The following ZBTB16 variants were observed in gnomAD, a reference collection of about 807,000 sequenced individuals.
ZBTB16 encodes zinc finger and BTB domain-containing protein 16.
A neutral mutation model predicts 56.8 loss-of-function variants in ZBTB16; 8 were observed. The observed-to-expected ratio is 0.14, with a 90% CI of 0.08 to 0.25. ZBTB16 has a LOEUF of 0.25. Ranked by LOEUF, ZBTB16 falls within the 10% of genes least tolerant of loss-of-function variation. ZBTB16 has a pLI of 1.00. For synonymous variants in ZBTB16, 363 were observed against 368.5 expected (o/e 0.98, Z 0.17); for missense variants, 625 against 903.0 (o/e 0.69, Z 3.95).
chr11:114,144,029 C>T (rs936570474), intron 2 of ZBTB16, among the ~76,000 whole-genome samples: 2 of 152,142 alleles, frequency 1.3e-5, no homozygotes, highest in African/African-American at 4.8e-5. Flanking sequence ...AAATGAGGCC[C>T]AGCAGGGAAG....
At chr11:114,081,919 T>G (rs1415328023) in intron 2 of ZBTB16, among the ~76,000 whole-genome samples, 1 of 151,778 alleles carries the variant, frequency 6.6e-6, no homozygotes, top group African/African-American at 2.4e-5. Context: ...AAAATGAGTT[T>G]GAAGTTGAGC....
At chr11:114,229,310 C>T (rs1000842265) in intron 4 of ZBTB16, among the ~76,000 whole-genome samples, 1 of 152,190 alleles carries the variant, frequency 6.6e-6, no homozygotes, top group Non-Finnish European at 1.5e-5. Context: ...TTACTCCAAG[C>T]CACGCTGGCT....
intron 3 of ZBTB16, among the ~76,000 whole-genome samples, chr11:114,173,461 G>A (rs2135018477): frequency 6.6e-6 from 1 of 152,218 alleles, no homozygotes; most frequent in Middle Eastern, 3.4e-3. Context: ...CACCAAGAGT[G>A]GAATCACAGT....
chr11:114,197,232 A>C (rs1403088393), intron 4 of ZBTB16, among the ~76,000 whole-genome samples: 1 of 152,150 alleles, frequency 6.6e-6, no homozygotes, highest in Admixed American at 6.5e-5. Context: ...AAATGTTGAG[A>C]TGCTGGTTCT....
At chr11:114,194,587 AAC>A (rs1265672466) in intron 4 of ZBTB16, among the ~76,000 whole-genome samples, 1 of 152,220 alleles carries the variant, frequency 6.6e-6, no homozygotes, top group Non-Finnish European at 1.5e-5. Context: ...CATATTGCAA[AAC>A]ACTGCTGCTT....
chr11:114,195,635 T>G (rs955858696), intron 4 of ZBTB16, among the ~76,000 whole-genome samples: 1 of 152,294 alleles, frequency 6.6e-6, no homozygotes, highest in African/African-American at 2.4e-5. Flanking sequence ...TGGTGCACAG[T>G]GACCCAGAAC....
chr11:114,083,923 C>T (rs1354592475), intron 2 of ZBTB16, among the ~76,000 whole-genome samples: 2 of 152,160 alleles, frequency 1.3e-5, no homozygotes, highest in Non-Finnish European at 2.9e-5. Flanking sequence ...AACCCTCTCT[C>T]AGATACTTCC....
chr11:114,184,244 T>G (rs1163625586), intron 3 of ZBTB16, among the ~76,000 whole-genome samples: 1 of 152,244 alleles, frequency 6.6e-6, no homozygotes, highest in Non-Finnish European at 1.5e-5. Context: ...CCCCACATTC[T>G]AGACCTCCTC....
At chr11:114,232,973 T>C (rs898588087) in intron 4 of ZBTB16, among the ~76,000 whole-genome samples, 1 of 152,082 alleles carries the variant, frequency 6.6e-6, no homozygotes, top group Non-Finnish European at 1.5e-5. Context: ...GCTGTCATTT[T>C]GAAAGTTACA....
At chr11:114,176,586 A>T (rs1441898042) in intron 3 of ZBTB16, among the ~76,000 whole-genome samples, 1 of 152,234 alleles carries the variant, frequency 6.6e-6, no homozygotes, top group Admixed American at 6.5e-5. Flanking sequence ...GCTTGGTCTC[A>T]ACAGCACCTT....
intron 2 of ZBTB16, among the ~76,000 whole-genome samples, chr11:114,137,929 G>A (rs1340861407): frequency 6.6e-6 from 1 of 152,198 alleles, no homozygotes; most frequent in African/African-American, 2.4e-5. Flanking sequence ...GCCCCATGCT[G>A]TGCATCGGTG....
intron 2 of ZBTB16, among the ~76,000 whole-genome samples, chr11:114,078,365 A>G (rs1939643107): frequency 1.3e-5 from 2 of 152,200 alleles, no homozygotes; most frequent in South Asian, 4.1e-4. Flanking sequence ...GCTCAGAAAA[A>G]TGATGTTCAT....
intron 2 of ZBTB16, 135 bp from the exon 3 acceptor site, chr11:114,156,202 T>C (rs908282969): frequency 3.7e-6 from 3 of 811,866 alleles, no homozygotes; most frequent in Non-Finnish European, 6.3e-6. Flanking sequence ...CAGGGATGTG[T>C]TTCCATCGGT....
At chr11:114,074,782 A>G (rs1939482060) in intron 2 of ZBTB16, among the ~76,000 whole-genome samples, 1 of 152,208 alleles carries the variant, frequency 6.6e-6, no homozygotes, top group Admixed American at 6.5e-5. Flanking sequence ...GTTGCCGCTA[A>G]AGGTCCGCGG....
chr11:114,064,661 C>T lies in ZBTB16; in HGVS notation c.1268+93C>T. On this transcript the variant is annotated intron_variant, in intron 2 of 6. Transcript: ENST00000335953. The surrounding 1 kb of genome is among the most constrained non-coding windows in gnomAD (Gnocchi z 4.2). ...GGCTGCTCCCAAGTTAGGGGCCTGG[C>T]TCCCCTGTCTTGGCAATTTGTGAAA... 1.3e-6 allele frequency: 2 copies of T among 1,487,916 alleles called. No individual in the cohort carries two copies. The highest frequency in any genetic ancestry group is 1.8e-6 in the Non-Finnish European group (2 of 1,092,726). 92.2% of individuals were successfully genotyped at this position (1,487,916 alleles called of 1,614,324 possible). A position where few individuals can be genotyped will look rare whatever the true frequency, so the allele number is the denominator to read the frequency against.
chr11:114,247,658 C>G (rs1234735905), intron 6 of ZBTB16, among the ~76,000 whole-genome samples: 1 of 152,136 alleles, frequency 6.6e-6, no homozygotes, highest in Admixed American at 6.5e-5. Context: ...AGGTGACATG[C>G]AAAATGATGT....
chr11:114,187,219 C>G lies in ZBTB16; in HGVS notation c.1453+181C>G, dbSNP rs192760365. Reference sequence around the variant, plus strand: ...ACTCTTGTCTGTGTGGCTGGCCCAGCAGAAGTTTACAAGTATGACATGGCC... The same window carrying G: ...ACTCTTGTCTGTGTGGCTGGCCCAGGAGAAGTTTACAAGTATGACATGGCC... On this transcript the variant is annotated intron_variant, in intron 4 of 6. Coordinates refer to ENST00000335953, the MANE Select transcript of ZBTB16 (RefSeq NM_006006.6). 36 of 705,612 alleles carry G rather than the reference C, an allele frequency of 5.1e-5. No homozygotes were observed. The East Asian group carries it at 7.3e-4, about 14-fold the overall frequency. 43.7% of individuals were successfully genotyped at this position (705,612 alleles called of 1,614,324 possible).
chr11:114,117,415 AC>A (rs1313870606), intron 2 of ZBTB16, among the ~76,000 whole-genome samples: 7 of 151,898 alleles, frequency 4.6e-5, no homozygotes, highest in African/African-American at 1.7e-4. Flanking sequence ...AGTCAGAGGA[AC>A]CACCTAGGAG....
Position 114,253,462 on chromosome 11 carries a change from C to G in ZBTB16, c.*2907C>G, listed in dbSNP as rs936247968. Among the ~76,000 whole-genome samples the G allele has an allele frequency of 2.0e-5, 3 of 152,072 alleles. No homozygotes were observed. Among genetic ancestry groups the G allele is most frequent in the Non-Finnish European group, 4.4e-5 (3 of 68,018 alleles). On this transcript the variant is annotated 3_prime_UTR_variant, in exon 7 of 7. Coordinates refer to ENST00000335953, the MANE Select transcript of ZBTB16 (RefSeq NM_006006.6). ...AAATATCCCTTTGTACATGTATGTG[C>G]GTGTGCGCGTGTGCTTTGTGTGTGT...
Sources: gnomAD v4.1 joint callset for allele counts (sites outside exome capture counted in the v4.1 genomes callset) on GRCh38, gnomAD v4.1.1 for gene constraint, Gnocchi (gnomAD v3.1) non-coding constraint, MANE v1.5 for transcripts, NCBI Gene and HGNC (gene_info 2026-07-23, HGNC 2026-07-21) for gene names.